The following CAP2 variants were observed in gnomAD, a reference collection of about 807,000 sequenced individuals.
The protein encoded by CAP2 is cyclase associated actin cytoskeleton regulatory protein 2, also known as adenylyl cyclase-associated protein 2.
In CAP2, 24 loss-of-function variants were observed where a neutral mutation model predicts 57.7. The ratio of observed to expected loss-of-function variants is 0.42; its 90% confidence interval spans 0.30 to 0.58. The LOEUF is 0.58. Among genes scored for constraint, CAP2 ranks in the 20% least tolerant of loss-of-function variants. CAP2 has a pLI of 0.22. For missense variants in CAP2, 501 were observed against 590.3 expected (o/e 0.85, Z 1.57); for synonymous variants, 194 against 207.2 (o/e 0.94, Z 0.55).
At chr6:17,476,323 G>A (rs1355764208) in intron 4 of CAP2, among the ~76,000 whole-genome samples, 1 of 152,178 alleles carries the variant, frequency 6.6e-6, no homozygotes, top group Non-Finnish European at 1.5e-5. Context: ...GCTGATGATG[G>A]ATGGCCATAG....
intron 7 of CAP2, among the ~76,000 whole-genome samples, chr6:17,515,687 T>C (rs2113669607): frequency 6.6e-6 from 1 of 152,304 alleles, no homozygotes; most frequent in East Asian, 1.9e-4. Context: ...GATTAAAATG[T>C]CCTTTAAATG....
intron 1 of CAP2, among the ~76,000 whole-genome samples, chr6:17,410,258 C>T (rs1020377555): frequency 2.0e-5 from 3 of 152,178 alleles, no homozygotes; most frequent in Non-Finnish European, 4.4e-5. Context: ...CAGTAATTCT[C>T]AAAGTGTGGG....
intron 3 of CAP2, among the ~76,000 whole-genome samples, chr6:17,438,722 A>G (rs1271406357): frequency 6.9e-6 from 1 of 144,356 alleles, no homozygotes; most frequent in Non-Finnish European, 1.5e-5. Flanking sequence ...TATAGGTGTG[A>G]GCCACCGCAC....
At chr6:17,497,440 T>C (rs569837983) in intron 4 of CAP2, among the ~76,000 whole-genome samples, 2 of 152,360 alleles carry the variant, frequency 1.3e-5, no homozygotes, top group African/African-American at 4.8e-5. Flanking sequence ...AATGAGATTC[T>C]TCTTAGCCAC....
At position 17,435,718 on chromosome 6, in the gene CAP2, A is replaced by T. The variant is rs1361336518; in HGVS notation, c.222+9028A>T. 8.5e-5 allele frequency among the ~76,000 whole-genome samples: 10 copies of T among 117,912 alleles called. No homozygotes were observed. In the East Asian group the frequency reaches 1.5e-3, roughly 18 times the overall value. 77.4% of individuals were successfully genotyped at this position (117,912 alleles called of 152,430 possible). ...AAAAAAAAAAAAGAAGTTTACGGATAAAAAAAAAAAAAAACAAAAAAAAAA... is the reference window on the plus strand; with the variant it reads ...AAAAAAAAAAAAGAAGTTTACGGATTAAAAAAAAAAAAAACAAAAAAAAAA... On this transcript the variant is annotated intron_variant, in intron 3 of 12. Transcript: ENST00000229922.
intron 7 of CAP2, among the ~76,000 whole-genome samples, chr6:17,519,810 A>T (rs1762350033): frequency 6.6e-6 from 1 of 152,218 alleles, no homozygotes; most frequent in Non-Finnish European, 1.5e-5. Context: ...TGAATCTATA[A>T]ATGCAGACTA....
intron 3 of CAP2, among the ~76,000 whole-genome samples, chr6:17,429,436 A>G (rs1759673169): frequency 6.6e-6 from 1 of 152,190 alleles, no homozygotes; most frequent in Non-Finnish European, 1.5e-5. Flanking sequence ...GAGACCTATA[A>G]ATAAGTATAT....
At chr6:17,442,990 T>C (rs1389770977) in intron 3 of CAP2, among the ~76,000 whole-genome samples, 1 of 152,094 alleles carries the variant, frequency 6.6e-6, no homozygotes, top group African/African-American at 2.4e-5. Context: ...GTGCTGGGAT[T>C]ACAGGCATGA....
intron 4 of CAP2, among the ~76,000 whole-genome samples, chr6:17,498,060 T>A (rs1358746757): frequency 6.6e-6 from 1 of 152,240 alleles, no homozygotes; most frequent in Admixed American, 6.5e-5. Flanking sequence ...TGTCAGACAT[T>A]GACAGCATAG....
chr6:17,543,251 C>T (rs566701117), intron 11 of CAP2, 108 bp downstream of exon 11: 24 of 886,422 alleles, frequency 2.7e-5, no homozygotes, highest in African/African-American at 1.7e-4. Flanking sequence ...TTTCCAACCA[C>T]GCTGTAATAA....
At chr6:17,519,008 C>T (rs542755812) in intron 7 of CAP2, among the ~76,000 whole-genome samples, 7 of 152,202 alleles carry the variant, frequency 4.6e-5, no homozygotes, top group South Asian at 4.2e-4. Context: ...CTACTTGCAC[C>T]GTGAAAAGTT....
chr6:17,409,371 CA>C (rs200724749), intron 1 of CAP2, among the ~76,000 whole-genome samples: 4 of 147,872 alleles, frequency 2.7e-5, no homozygotes, highest in Non-Finnish European at 6.0e-5. Flanking sequence ...GACTCTGTCT[CA>C]AAAAAAAAGG....
chr6:17,481,316 C>A (rs140441124), intron 4 of CAP2, among the ~76,000 whole-genome samples: 1 of 152,184 alleles, frequency 6.6e-6, no homozygotes, highest in African/African-American at 2.4e-5. Context: ...TCTTTCTGAA[C>A]TTGGCCAAAG....
chr6:17,492,882 G>C (rs185391599), intron 4 of CAP2, among the ~76,000 whole-genome samples: 483 of 152,034 alleles, frequency 3.2e-3, no homozygotes, highest in Non-Finnish European at 6.1e-3. Flanking sequence ...CTTATGTATC[G>C]CAAGTCCCTA....
At chr6:17,474,712 A>G (rs1160596204) in intron 4 of CAP2, among the ~76,000 whole-genome samples, 1 of 151,814 alleles carries the variant, frequency 6.6e-6, no homozygotes, top group Non-Finnish European at 1.5e-5. Context: ...TTTTAGAAAC[A>G]CTTCTACTGT....
At chr6:17,473,671 G>C (rs1336588701) in intron 4 of CAP2, among the ~76,000 whole-genome samples, 1 of 152,214 alleles carries the variant, frequency 6.6e-6, no homozygotes, top group Non-Finnish European at 1.5e-5. Context: ...GCAAGGAGAA[G>C]GTAATTCCAG....
At chr6:17,531,251 A>T in intron 7 of CAP2, 1 of 801,170 alleles carries the variant, frequency 1.2e-6, no homozygotes, top group East Asian at 2.4e-5. Context: ...TCAGCATGTT[A>T]ACTGAAGCCT....
At chr6:17,402,167 G>T (rs1478002100) in intron 1 of CAP2, among the ~76,000 whole-genome samples, 1 of 152,176 alleles carries the variant, frequency 6.6e-6, no homozygotes, top group African/African-American at 2.4e-5. Flanking sequence ...ATCTTGATGA[G>T]AATGGACCTG....
chr6:17,484,192 T>A (rs544953201), intron 4 of CAP2, among the ~76,000 whole-genome samples: 2 of 152,226 alleles, frequency 1.3e-5, no homozygotes, highest in Non-Finnish European at 2.9e-5. Flanking sequence ...ATGGGCTCCA[T>A]TCATTTCCTT....
Sources: gnomAD v4.1 joint callset for allele counts (sites outside exome capture counted in the v4.1 genomes callset) on GRCh38, gnomAD v4.1.1 for gene constraint, MANE v1.5 for transcripts, NCBI Gene and HGNC (gene_info 2026-07-23, HGNC 2026-07-21) for gene names.